Variants in DPH6 observed in about 807,000 individuals in gnomAD.
DPH6 encodes the protein diphthamine biosynthesis 6.
Under a neutral mutation model 38.2 loss-of-function variants are expected in DPH6, and 33 were observed. That is an observed-to-expected ratio of 0.86 (90% confidence interval 0.65 to 1.15). The LOEUF (loss-of-function observed/expected upper bound fraction) is 1.15, where lower values mean the gene tolerates loss of function less well. Ranked by LOEUF, DPH6 falls within the 50% of genes most tolerant of loss-of-function variation. DPH6 has a pLI of 0.00. For synonymous variants in DPH6, 108 were observed against 103.0 expected (o/e 1.05, Z -0.30); for missense variants, 325 against 320.0 (o/e 1.02, Z -0.12).
intron 3 of DPH6, among the ~76,000 whole-genome samples, chr15:35,301,496 A>T (rs2052054351): frequency 6.6e-6 from 1 of 152,246 alleles, no homozygotes; most frequent in Non-Finnish European, 1.5e-5. Flanking sequence ...TTAAATACAT[A>T]ATTACCAAAT....
intron 6 of DPH6, among the ~76,000 whole-genome samples, chr15:35,408,909 GAAGA>G (rs2080194668): frequency 6.6e-6 from 1 of 151,932 alleles, no homozygotes; most frequent in South Asian, 2.1e-4. Context: ...TTGAAGCAAA[GAAGA>G]AAGAGAGGTA....
intron 3 of DPH6, among the ~76,000 whole-genome samples, chr15:35,471,915 G>T (rs942355418): frequency 1.3e-5 from 2 of 151,974 alleles, no homozygotes; most frequent in Non-Finnish European, 2.9e-5. Context: ...CAAAAAAAGT[G>T]CATGAGAAGA....
intron 3 of DPH6, among the ~76,000 whole-genome samples, chr15:35,279,084 T>TATATATATATATATATATAA (rs1440623243): frequency 7.0e-6 from 1 of 143,314 alleles, no homozygotes; most frequent in African/African-American, 2.6e-5. Context: ...TATATATATA[T>TATATATATATATATATATAA]AATTTTGGAG....
chr15:35,516,123 C>T (rs2141226379), intron 3 of DPH6, among the ~76,000 whole-genome samples: 1 of 152,254 alleles, frequency 6.6e-6, no homozygotes, highest in East Asian at 1.9e-4. Flanking sequence ...GCCAAAGCAG[C>T]TGATACATTA....
chr15:35,214,822 T>G (rs1246020076), downstream of DPH6, among the ~76,000 whole-genome samples: 5 of 152,068 alleles, frequency 3.3e-5, no homozygotes, highest in Non-Finnish European at 1.5e-5. Flanking sequence ...TGGCCAGGCT[T>G]GTCTCGAACT....
chr15:35,170,183 A>T, the DPH6 span, among the ~76,000 whole-genome samples: 1 of 152,246 alleles, frequency 6.6e-6, no homozygotes, highest in Non-Finnish European at 1.5e-5. Context: ...TGGCTTGGAA[A>T]GAGTGAGAAC....
chr15:35,486,352 C>CATAT (rs2097968902), intron 3 of DPH6, among the ~76,000 whole-genome samples: 1 of 151,840 alleles, frequency 6.6e-6, no homozygotes, highest in African/African-American at 2.4e-5. Context: ...ACAGCCAACC[C>CATAT]ATATCACTGG....
intron 6 of DPH6, among the ~76,000 whole-genome samples, chr15:35,407,373 T>C (rs2053308430): frequency 6.6e-6 from 1 of 151,950 alleles, no homozygotes; most frequent in African/African-American, 2.4e-5. Flanking sequence ...ATACTTAGTG[T>C]TCACCATAGC....
At chr15:35,324,523 C>CT (rs11452343) in intron 3 of DPH6, among the ~76,000 whole-genome samples, 61,909 of 151,910 alleles carry the variant, frequency 0.41, 14,695 homozygotes, top group East Asian at 0.76. Flanking sequence ...TAGCAGTTCG[C>CT]TTACGACTTC....
intron 3 of DPH6, among the ~76,000 whole-genome samples, chr15:35,239,148 C>T (rs2051579594): frequency 6.9e-6 from 1 of 143,914 alleles, no homozygotes; most frequent in Non-Finnish European, 1.5e-5. Flanking sequence ...GAAAGATCCA[C>T]CTACGACCTC....
At chr15:35,332,376 C>T (rs968480547) in intron 3 of DPH6, among the ~76,000 whole-genome samples, 1 of 152,102 alleles carries the variant, frequency 6.6e-6, no homozygotes, top group Admixed American at 6.6e-5. Context: ...AACCAATTTT[C>T]ACATTGCATC....
intron 5 of DPH6, among the ~76,000 whole-genome samples, chr15:35,419,461 G>A (rs2053477832): frequency 6.6e-6 from 1 of 152,052 alleles, no homozygotes; most frequent in Non-Finnish European, 1.5e-5. Context: ...TCTTTGCTTT[G>A]AATGTAAATG....
At chr15:35,271,288 C>T (rs2051820931) in intron 3 of DPH6, among the ~76,000 whole-genome samples, 1 of 152,190 alleles carries the variant, frequency 6.6e-6, no homozygotes, top group African/African-American at 2.4e-5. Context: ...TTCACCCTTT[C>T]TGGCTTTCAT....
chr15:35,424,809 C>T (rs1202284739), intron 5 of DPH6, among the ~76,000 whole-genome samples: 2 of 151,532 alleles, frequency 1.3e-5, no homozygotes, highest in Admixed American at 1.3e-4. Context: ...GGAAAGAATA[C>T]TATGAATATA....
intron 3 of DPH6, among the ~76,000 whole-genome samples, chr15:35,223,513 C>T (rs1453054535): frequency 1.3e-5 from 2 of 152,070 alleles, no homozygotes; most frequent in Non-Finnish European, 1.5e-5. Context: ...GGTGAAACCC[C>T]GTCTCTACTA....
chr15:35,298,949 T>G, intron 3 of DPH6: 1 of 785,248 alleles, frequency 1.3e-6, no homozygotes, highest in Non-Finnish European at 2.3e-6. Context: ...CCATACTTGT[T>G]TTCCTCTTCT....
chr15:35,496,567 A>AAAAAAAAAAAAAAAATATAT, intron 3 of DPH6, among the ~76,000 whole-genome samples: 6 of 31,012 alleles, frequency 1.9e-4, no homozygotes, highest in African/African-American at 8.2e-4. Flanking sequence ...AAAAAAAAAA[A>AAAAAAAAAAAAAAAATATAT]ATATATATAT....
At chr15:35,506,459 G>C (rs2054695870) in intron 3 of DPH6, among the ~76,000 whole-genome samples, 1 of 152,150 alleles carries the variant, frequency 6.6e-6, no homozygotes, top group Admixed American at 6.6e-5. Context: ...AAGAGTCTGA[G>C]TGCCAGCATT....
chr15:35,254,564 T>C (rs1030527789), intron 3 of DPH6, among the ~76,000 whole-genome samples: 4 of 152,248 alleles, frequency 2.6e-5, no homozygotes, highest in African/African-American at 7.2e-5. Context: ...GTTTGTACCT[T>C]AAGCAAAATG....
Sources: allele counts gnomAD v4.1 joint callset (sites outside exome capture counted in the v4.1 genomes callset), GRCh38; gene constraint gnomAD v4.1.1; transcripts MANE v1.5; gene names NCBI Gene and HGNC (gene_info 2026-07-23, HGNC 2026-07-21).